DOCK9: variants seen among roughly 807,000 people sequenced by gnomAD.
The protein encoded by DOCK9 is dedicator of cytokinesis protein 9.
A neutral mutation model predicts 263.3 loss-of-function variants in DOCK9; 89 were observed. The ratio of observed to expected loss-of-function variants is 0.34; its 90% CI spans 0.28 to 0.40. The LOEUF (loss-of-function observed/expected upper bound fraction) is 0.40, where lower values mean the gene tolerates loss of function less well. Ranked by LOEUF, DOCK9 falls within the 10% of genes least tolerant of loss-of-function variation. The pLI is 1.00. For missense variants in DOCK9, 2,140 were observed against 2,603.4 expected (o/e 0.82, Z 3.87); for synonymous variants, 976 against 973.1 (o/e 1.00, Z -0.06).
intron 20 of DOCK9, 80 bp from the exon 21 acceptor site, chr13:98,885,172 C>T (rs903028706): frequency 5.8e-6 from 9 of 1,551,786 alleles, no homozygotes; most frequent in Admixed American, 2.0e-5. Context: ...AATGTAAAAC[C>T]GTCTGATTTT....
intron 15 of DOCK9, among the ~76,000 whole-genome samples, chr13:98,890,682 T>C (rs2046482179): frequency 6.6e-6 from 1 of 152,194 alleles, no homozygotes; most frequent in Non-Finnish European, 1.5e-5. Context: ...TTTTGCAGAT[T>C]CTTTGGACAT....
intron 1 of DOCK9, among the ~76,000 whole-genome samples, chr13:99,027,236 T>C (rs1009011125): frequency 6.6e-5 from 10 of 152,168 alleles, no homozygotes; most frequent in African/African-American, 2.4e-4. Context: ...GCCAGGCTGG[T>C]ATCGAACTCC....
intron 1 of DOCK9, among the ~76,000 whole-genome samples, chr13:98,967,842 G>A (rs1485920231): frequency 6.6e-6 from 1 of 151,978 alleles, no homozygotes; most frequent in Non-Finnish European, 1.5e-5. Context: ...AAAGAACCAG[G>A]TTTAAATGTC....
intron 1 of DOCK9, among the ~76,000 whole-genome samples, chr13:99,051,307 G>C (rs2040684490): frequency 6.6e-6 from 1 of 151,996 alleles, no homozygotes; most frequent in South Asian, 2.1e-4. Flanking sequence ...TTGCTTTACT[G>C]ATTTCTGCTT....
At chr13:98,806,636 C>G (rs1482829371) in intron 48 of DOCK9, among the ~76,000 whole-genome samples, 1 of 152,114 alleles carries the variant, frequency 6.6e-6, no homozygotes, top group Non-Finnish European at 1.5e-5. Flanking sequence ...GGGCCAGGCT[C>G]GGTGGCTCAC....
At chr13:98,911,941 C>G (rs1427550651) in intron 9 of DOCK9, among the ~76,000 whole-genome samples, 1 of 150,422 alleles carries the variant, frequency 6.6e-6, no homozygotes, top group Non-Finnish European at 1.5e-5. Context: ...ATGATCTCAG[C>G]TCACTGCAAT....
intron 2 of DOCK9, among the ~76,000 whole-genome samples, chr13:98,941,354 G>A (rs758711006): frequency 1.3e-5 from 2 of 152,276 alleles, no homozygotes; most frequent in African/African-American, 4.8e-5. Flanking sequence ...TCAGCAACAC[G>A]TGAGACTTTA....
intron 23 of DOCK9, 77 bp from the exon 24 acceptor site, chr13:98,882,084 ACAAG>A: frequency 8.4e-7 from 1 of 1,192,492 alleles, no homozygotes. Context: ...ACTCTTCCAA[ACAAG>A]GATGGAAGAA....
chr13:99,015,937 G>A (rs1421600152), intron 1 of DOCK9: 1 of 297,020 alleles, frequency 3.4e-6, no homozygotes. Context: ...AGATTTACAT[G>A]TGGCTCTACT....
At chr13:98,995,602 C>T (rs147524310) in intron 1 of DOCK9, among the ~76,000 whole-genome samples, 1,720 of 151,152 alleles carry the variant, frequency 0.011, 31 homozygotes, top group South Asian at 0.056. Context: ...CATTCTCCTG[C>T]CTCAGCCTCC....
chr13:98,996,177 G>T (rs1279632555), intron 1 of DOCK9, among the ~76,000 whole-genome samples: 1 of 152,152 alleles, frequency 6.6e-6, no homozygotes, highest in Admixed American at 6.5e-5. Context: ...ACAGGTGGTG[G>T]CTACAACAAT....
intron 1 of DOCK9, among the ~76,000 whole-genome samples, chr13:99,010,354 T>C (rs1207757820): frequency 2.6e-5 from 4 of 152,240 alleles, no homozygotes; most frequent in Non-Finnish European, 5.9e-5. Flanking sequence ...CAAACTTGCC[T>C]AGACAAGGAA....
At chr13:98,895,718 T>TA (rs2047331255) in intron 15 of DOCK9, among the ~76,000 whole-genome samples, 1 of 151,842 alleles carries the variant, frequency 6.6e-6, no homozygotes, top group Non-Finnish European at 1.5e-5. Context: ...AAACTAGTAG[T>TA]AAACCTTTTT....
chr13:98,979,566 T>C (rs537316132), upstream of DOCK9, among the ~76,000 whole-genome samples: 2 of 152,262 alleles, frequency 1.3e-5, no homozygotes, highest in East Asian at 1.9e-4. Context: ...ATATCAATTA[T>C]GTAACGATCT....
At chr13:99,021,289 A>G (rs1886062563) in intron 1 of DOCK9, among the ~76,000 whole-genome samples, 1 of 152,232 alleles carries the variant, frequency 6.6e-6, no homozygotes, top group South Asian at 2.1e-4. Context: ...CAAATACATG[A>G]GAATTTCAGA....
intron 1 of DOCK9, among the ~76,000 whole-genome samples, chr13:99,071,351 G>C (rs1324329813): frequency 8.5e-6 from 1 of 117,370 alleles, no homozygotes; most frequent in African/African-American, 3.5e-5. Context: ...GCCCAGGCTG[G>C]CCTTGAACTC....
At chr13:98,919,766 T>C (rs1471504863) in intron 7 of DOCK9, among the ~76,000 whole-genome samples, 1 of 152,252 alleles carries the variant, frequency 6.6e-6, no homozygotes, top group Non-Finnish European at 1.5e-5. Context: ...ATGTGCACTG[T>C]GAATTGCGTG....
rs548178444 is a variant in DOCK9 at position 98,925,760 on chromosome 13, A to G, written c.416+77T>C. 63 of 955,532 alleles carry G rather than the reference A, an allele frequency of 6.6e-5. No homozygotes were observed. In the East Asian group the frequency reaches 1.5e-3, roughly 22 times the overall value. 59.2% of individuals were successfully genotyped at this position (955,532 alleles called of 1,614,324 possible). ...TATTTTCCTCAATTACTCTGATTGC[A>G]TATGAAGTTACATACCTCCCCCCAA... On this transcript the variant is annotated intron_variant, in intron 4 of 52. Transcript: ENST00000682017.
intron 1 of DOCK9, among the ~76,000 whole-genome samples, chr13:98,975,790 A>G (rs2060211993): frequency 6.6e-6 from 1 of 152,256 alleles, no homozygotes; most frequent in Non-Finnish European, 1.5e-5. Context: ...ACCTACATTT[A>G]AACGTCTCTA....
Sources: gnomAD v4.1 joint callset for allele counts (sites outside exome capture counted in the v4.1 genomes callset) on GRCh38, gnomAD v4.1.1 for gene constraint, MANE v1.5 for transcripts, NCBI Gene and HGNC (gene_info 2026-07-23, HGNC 2026-07-21) for gene names.